FER: variants seen among roughly 807,000 people sequenced by gnomAD.
FER encodes the protein tyrosine-protein kinase Fer.
Under a neutral mutation model 111.0 loss-of-function variants are expected in FER, and 63 were observed. The ratio of observed to expected loss-of-function variants is 0.57; its 90% CI spans 0.46 to 0.70. The LOEUF is 0.70. Among genes scored for constraint, FER ranks in the 30% least tolerant of loss-of-function variants. The pLI is 0.00. For missense variants in FER, 914 were observed against 954.0 expected, an observed-to-expected ratio of 0.96 and a Z score of 0.55; for synonymous variants, 327 against 313.9, an observed-to-expected ratio of 1.04 and a Z score of -0.44.
chr5:108,827,847 A>G (rs1269059249), intron 3 of FER, among the ~76,000 whole-genome samples: 2 of 104,284 alleles, frequency 1.9e-5, no homozygotes, highest in Admixed American at 1.0e-4. Flanking sequence ...TTTTTCCCCC[A>G]AGACAGGCTC....
At chr5:108,893,816 T>G (rs1748589694) in intron 9 of FER, among the ~76,000 whole-genome samples, 1 of 152,080 alleles carries the variant, frequency 6.6e-6, no homozygotes. Flanking sequence ...CAATGAATAG[T>G]CGTCTTTTAA....
At chr5:108,989,162 A>G (rs1392199247) in intron 13 of FER, among the ~76,000 whole-genome samples, 1 of 152,036 alleles carries the variant, frequency 6.6e-6, no homozygotes, top group Non-Finnish European at 1.5e-5. Flanking sequence ...AGTCAGTCCT[A>G]CTGAAATAAT....
rs118078631 is a variant in FER at position 108,922,290 on chromosome 5, G to A, written c.1237-23840G>A. Among the ~76,000 whole-genome samples, 81 of 152,202 alleles carry A rather than the reference G, an allele frequency of 5.3e-4. 1 individual carries two copies. In the East Asian group the frequency reaches 0.015, roughly 29 times the overall value. ...TGGTACTGTGTTACAGCAGCCCTAG[G>A]GAATTAGTACAACATCTGTTGTGAT... On this transcript the variant is annotated intron_variant, in intron 10 of 19. Coordinates refer to ENST00000281092, the MANE Select transcript of FER (RefSeq NM_005246.4).
chr5:109,110,700 C>T (rs928804655), intron 17 of FER, among the ~76,000 whole-genome samples: 25 of 151,966 alleles, frequency 1.6e-4, no homozygotes, highest in African/African-American at 5.8e-4. Flanking sequence ...GCACAATGTG[C>T]AGGTTTGTTA....
intron 13 of FER, among the ~76,000 whole-genome samples, chr5:109,025,052 G>T (rs1171715278): frequency 6.6e-6 from 1 of 152,020 alleles, no homozygotes; most frequent in Admixed American, 6.6e-5. Context: ...GTCAGGTAGC[G>T]TGATGCCTCC....
intron 13 of FER, among the ~76,000 whole-genome samples, chr5:108,986,859 AT>A (rs1470704432): frequency 6.6e-6 from 1 of 152,060 alleles, no homozygotes; most frequent in Non-Finnish European, 1.5e-5. Context: ...TTATAGCATA[AT>A]TTGGAGTCAG....
chr5:108,770,246 C>T (rs1459553696), intron 2 of FER, among the ~76,000 whole-genome samples: 3 of 152,086 alleles, frequency 2.0e-5, no homozygotes, highest in Non-Finnish European at 4.4e-5. Flanking sequence ...CTGCGCCTGG[C>T]CTTGTATAAT....
At chr5:109,084,096 A>C (rs993034951) in intron 16 of FER, among the ~76,000 whole-genome samples, 2 of 152,036 alleles carry the variant, frequency 1.3e-5, no homozygotes, top group African/African-American at 4.8e-5. Flanking sequence ...AGCCTGATTG[A>C]GAAATAGGAC....
At chr5:108,911,722 G>C (rs1751576506) in intron 10 of FER, among the ~76,000 whole-genome samples, 1 of 152,096 alleles carries the variant, frequency 6.6e-6, no homozygotes, top group Non-Finnish European at 1.5e-5. Flanking sequence ...GGATAGGGTA[G>C]CCTTTCCTCA....
intron 10 of FER, among the ~76,000 whole-genome samples, chr5:108,927,252 C>CTTTTTTTTTTTTTTTT (rs766702172): frequency 0.018 from 1,682 of 95,108 alleles, 344 homozygotes; most frequent in Middle Eastern, 0.026. Context: ...AGAAGTGGCT[C>CTTTTTTTTTTTTTTTT]TTTTTTTTTT....
At chr5:108,762,569 A>G (rs1751879862) in intron 1 of FER, among the ~76,000 whole-genome samples, 1 of 152,176 alleles carries the variant, frequency 6.6e-6, no homozygotes, top group African/African-American at 2.4e-5. Flanking sequence ...TTCCCACATA[A>G]AAGCTCAAGT....
chr5:108,927,250 C>CTATTTTTTTTTTTTTTT (rs773963733), intron 10 of FER, among the ~76,000 whole-genome samples: 3 of 95,352 alleles, frequency 3.1e-5, no homozygotes, highest in African/African-American at 1.5e-4. Context: ...TGAGAAGTGG[C>CTATTTTTTTTTTTTTTT]TCTTTTTTTT....
chr5:108,974,603 G>A (rs1761094454), intron 13 of FER, among the ~76,000 whole-genome samples: 1 of 152,308 alleles, frequency 6.6e-6, no homozygotes, highest in South Asian at 2.1e-4. Flanking sequence ...CAAAGCAAAA[G>A]GAATTTTGCA....
intron 17 of FER, among the ~76,000 whole-genome samples, chr5:109,174,283 G>T (rs1325941741): frequency 6.6e-6 from 1 of 152,148 alleles, no homozygotes; most frequent in Non-Finnish European, 1.5e-5. Flanking sequence ...TATGTATTCT[G>T]TTCAAAGGAA....
intron 16 of FER, among the ~76,000 whole-genome samples, chr5:109,076,232 GT>G (rs1401100805): frequency 6.6e-6 from 1 of 152,064 alleles, no homozygotes; most frequent in African/African-American, 2.4e-5. Context: ...CTTCTATCAT[GT>G]AACAAAACAG....
chr5:109,002,329 A>G (rs1302538849), intron 13 of FER, among the ~76,000 whole-genome samples: 1 of 151,660 alleles, frequency 6.6e-6, no homozygotes, highest in Non-Finnish European at 1.5e-5. Context: ...CATATCTACA[A>G]CTATCTGATC....
chr5:109,128,187 A>G (rs1264326183), intron 17 of FER, among the ~76,000 whole-genome samples: 2 of 152,020 alleles, frequency 1.3e-5, no homozygotes, highest in East Asian at 3.8e-4. Flanking sequence ...CCAGTGATTG[A>G]TCACACAAGT....
intron 10 of FER, among the ~76,000 whole-genome samples, chr5:108,915,658 T>C (rs1752174087): frequency 6.6e-6 from 1 of 151,882 alleles, no homozygotes; most frequent in African/African-American, 2.4e-5. Context: ...GGAACTCTTT[T>C]CTCTCCCCCA....
In FER at chr5:109,188,906, T is replaced by C. The variant is rs1039520522; in HGVS notation, c.*1331T>C. 4 of 150,504 alleles carry C rather than the reference T, an allele frequency of 2.7e-5. No individual in the cohort carries two copies. Among genetic ancestry groups the C allele is most frequent in the Non-Finnish European group, 5.9e-5 (4 of 67,394 alleles). 9.3% of individuals were successfully genotyped at this position (150,504 alleles called of 1,614,324 possible). ...TCTAGTTCACCAACACATTCACGTG[T>C]GTACATGCGCGTGCACACACACCAC... is the stretch of plus-strand genomic sequence containing the variant. On this transcript the variant is annotated 3_prime_UTR_variant, in exon 20 of 20. Coordinates refer to ENST00000281092, the MANE Select transcript of FER (RefSeq NM_005246.4).
Sources: allele counts gnomAD v4.1 joint callset (sites outside exome capture counted in the v4.1 genomes callset), GRCh38; gene constraint gnomAD v4.1.1; transcripts MANE v1.5; gene names NCBI Gene and HGNC (gene_info 2026-07-23, HGNC 2026-07-21).